CUL7: variants seen among roughly 807,000 people sequenced by gnomAD.
The protein encoded by CUL7 is cullin-7.
A neutral mutation model predicts 177.7 loss-of-function variants in CUL7; 96 were observed. The ratio of observed to expected loss-of-function variants is 0.54; its 90% confidence interval spans 0.46 to 0.64. The LOEUF is 0.64. CUL7 is among the 30% of genes least tolerant of loss of function. The probability of loss-of-function intolerance (pLI) is 0.00; values close to 1 mark genes in which losing one functional copy is unlikely to be tolerated. For synonymous variants in CUL7, 824 were observed against 890.2 expected, an observed-to-expected ratio of 0.93 and a Z score of 1.32; for missense variants, 1,893 against 2,187.9, an observed-to-expected ratio of 0.87 and a Z score of 2.69.
At chr6:43,038,192 C>T (rs1270216382) in intron 25 of CUL7, 75 bp downstream of exon 25, 10 of 1,553,368 alleles carry the variant, frequency 6.4e-6, no homozygotes, top group Middle Eastern at 1.7e-4. Flanking sequence ...ACCACACGTG[C>T]ACCCACCTTG....
Position 43,051,048 on chromosome 6 carries a change from T to C in CUL7, c.1153A>G (p.Met385Val). The C allele has an allele frequency of 1.9e-6, 3 of 1,614,104 alleles. No individual in the cohort carries two copies. The highest frequency in any genetic ancestry group is 2.5e-6 in the Non-Finnish European group (3 of 1,179,976). The stretch of plus-strand genomic sequence containing the variant: ...CTGATCTCCTCATAATCATCCAGCA[T>C]CCGCACTCGCATCCCCGGCTGCAGT... ...DTLQPGMRVR[M>V]LDDYEEISAG... Residue 385 changes from methionine (M) to valine (V), a missense_variant, in exon 4 of 26, where the codon ATG becomes GTG. By Grantham distance (21) the Met-to-Val change is conservative. This residue lies in a region of CUL7 where 653 missense variants were observed against 725.2 expected (regional missense o/e 0.90). Transcript: ENST00000265348. This position sits in a 1 kb window ranked among gnomAD's most constrained non-coding sequence, Gnocchi z 5.0.
At position 43,037,675 on chromosome 6, in the gene CUL7, C is replaced by T. The variant is rs754816725; in HGVS notation, c.*13G>A. The T allele has an allele frequency of 1.0e-5, 16 of 1,550,580 alleles. No individual in the cohort carries two copies. Among genetic ancestry groups the T allele is most frequent in the Non-Finnish European group, 1.3e-5 (15 of 1,145,888 alleles). ...AGCTCCAGCTCTACCTTCCCCTGACCCCAAGTCTAGGGCTACCGGAAGGTA... is the reference window on the plus strand; with the variant it reads ...AGCTCCAGCTCTACCTTCCCCTGACTCCAAGTCTAGGGCTACCGGAAGGTA... On this transcript the variant is annotated 3_prime_UTR_variant, in exon 26 of 26. Coordinates refer to ENST00000265348, the MANE Select transcript of CUL7 (RefSeq NM_014780.5).
rs1581924023 is a variant in CUL7 at position 43,043,724 on chromosome 6, G to A, written c.3173-94C>T. On this transcript the variant is annotated intron_variant, in intron 16 of 25. Transcript: ENST00000265348. This position sits in a 1 kb window ranked among gnomAD's most constrained non-coding sequence, Gnocchi z 4.2. ...CAGGAGTGTGGAGATAGAGCAACTG[G>A]ACGGAATGATACAAGGAAGGGGGGC... 1.4e-5 allele frequency: 12 copies of A among 839,996 alleles called. No individual in the cohort carries two copies. The East Asian group carries it at 2.9e-4, about 20-fold the overall frequency. 52.0% of individuals were successfully genotyped at this position (839,996 alleles called of 1,614,324 possible). A position where few individuals can be genotyped will look rare whatever the true frequency, so the allele number is the denominator to read the frequency against.
chr6:43,047,911 G>A (rs1409804796), intron 9 of CUL7: 3 of 565,770 alleles, frequency 5.3e-6, no homozygotes, highest in Non-Finnish European at 9.4e-6. Flanking sequence ...TGGGGGAACA[G>A]AGATTTGGGT....
chr6:43,048,658 A>G (rs1764132931), intron 7 of CUL7, 89 bp from the exon 8 acceptor site: 2 of 925,932 alleles, frequency 2.2e-6, no homozygotes, highest in South Asian at 3.1e-5. Context: ...CTTTTTCTCT[A>G]ATTTCTCCTA....
chr6:43,040,698 C>G lies in CUL7; in HGVS notation c.3855G>C (p.Glu1285Asp), dbSNP rs370053482. The G allele has an allele frequency of 6.2e-7, 1 of 1,614,186 alleles. No homozygotes were observed. ...GACCGATCTGCTCCAGCACGGCCCCCTCCAGCCAGCTCGAGACCACGCCCA... is the reference window on the plus strand; with the variant it reads ...GACCGATCTGCTCCAGCACGGCCCCGTCCAGCCAGCTCGAGACCACGCCCA... Reference protein sequence around the residue: ...RLLGVVSSWLEGAVLEQIGPC... With the variant: ...RLLGVVSSWLDGAVLEQIGPC... The change falls in exon 21 of 26, where the codon GAG (glutamate) becomes GAC (aspartate). Residue 1285 changes from glutamate to aspartate, a missense_variant. This residue lies in a region of CUL7 where 973 missense variants were observed against 1,140.9 expected (regional missense o/e 0.85). Transcript: ENST00000265348. The surrounding 1 kb of genome is among the most constrained non-coding windows in gnomAD (Gnocchi z 4.2).
intron 9 of CUL7, among the ~76,000 whole-genome samples, chr6:43,047,772 T>C (rs1326595005): frequency 6.6e-6 from 1 of 152,180 alleles, no homozygotes; most frequent in African/African-American, 2.4e-5. Context: ...AATATCTCCA[T>C]ATCCTTTTGT....
At chr6:43,042,067 AAGAGAAGGAGGGAGGGAGGG>A (rs1181413612) in intron 19 of CUL7, among the ~76,000 whole-genome samples, 1 of 141,188 alleles carries the variant, frequency 7.1e-6, no homozygotes, top group Admixed American at 7.0e-5. Context: ...GAAAGAGAGA[AAGAGAAGGAGGGAGGGAGGG>A]AGAGAAGGAG....
Position 43,051,456 on chromosome 6 carries a change from C to A in CUL7, c.745G>T (p.Val249Leu). The change falls in exon 4 of 26, where the codon GTG (valine) becomes TTG (leucine). Residue 249 changes from valine to leucine, a missense_variant. Physicochemically the swap from Val to Leu is conservative, Grantham distance 32 (BLOSUM62 1). Coordinates refer to ENST00000265348, the MANE Select transcript of CUL7 (RefSeq NM_014780.5). This position sits in a 1 kb window ranked among gnomAD's most constrained non-coding sequence, Gnocchi z 5.0. Reference protein sequence around the residue: ...GIQLPQVPGRVLFSLVKRYLH... With the variant: ...GIQLPQVPGRLLFSLVKRYLH... Reference sequence around the variant, plus strand: ...TACCGCTTCACCAGGGAGAAGAGCACCCTTCCTGGGACCTGTGGGATACAA... The same window carrying A: ...TACCGCTTCACCAGGGAGAAGAGCAACCTTCCTGGGACCTGTGGGATACAA... 2 of 1,614,042 alleles carry A rather than the reference C, an allele frequency of 1.2e-6. No individual in the cohort carries two copies. Among genetic ancestry groups the A allele is most frequent in the Non-Finnish European group, 1.7e-6 (2 of 1,180,024 alleles).
Position 43,049,961 on chromosome 6 carries a change from A to C in CUL7, c.1569+2T>G. 6.2e-7 allele frequency: 1 copy of C among 1,613,424 alleles called. No homozygotes were observed. Among genetic ancestry groups the C allele is most frequent in the Non-Finnish European group, 8.5e-7 (1 of 1,179,774 alleles). ...CTCTGAGTGTCTCCAGGCTGGCTCTACCTCCCCATCTAGGTTCTCCTGGAG... is the reference window on the plus strand; with the variant it reads ...CTCTGAGTGTCTCCAGGCTGGCTCTCCCTCCCCATCTAGGTTCTCCTGGAG... On this transcript the variant is annotated splice_donor_variant, in intron 6 of 25. Transcript: ENST00000265348. LOFTEE classifies it high-confidence loss of function.
At chr6:43,039,054 T>C (rs1162084316) in intron 22 of CUL7, 67 bp from the exon 23 acceptor site, 3 of 1,035,814 alleles carry the variant, frequency 2.9e-6, no homozygotes, top group Admixed American at 1.7e-5. Context: ...GGAGGGAGGG[T>C]GCACGCTGGT....
chr6:43,047,047 C>T lies in CUL7; in HGVS notation c.2230G>A (p.Val744Met), dbSNP rs547138217. 123 of 1,613,514 alleles carry T rather than the reference C, an allele frequency of 7.6e-5. No individual in the cohort carries two copies. The highest frequency in any genetic ancestry group is 2.7e-4 in the African/African-American group (20 of 74,996). The change falls in exon 10 of 26, where the codon GTG becomes ATG. Residue 744 changes from valine (V) to methionine (M), a missense_variant. Val to Met is a conservative substitution (Grantham distance 21). This residue lies in a region of CUL7 where 973 missense variants were observed against 1,140.9 expected (regional missense o/e 0.85). Coordinates refer to ENST00000265348, the MANE Select transcript of CUL7 (RefSeq NM_014780.5). ...RLTSVSRDYA[V>M]VLNQLGARDA... ...CTTGCTCCCAGCTGATTCAGCACCA[C>T]GGCATAGTCCCTGCTCACTGAGGTC...
In CUL7 at chr6:43,045,130, C is replaced by T. The variant is rs1373529085; in HGVS notation, c.3038+97G>A. 2.7e-6 allele frequency: 4 copies of T among 1,480,184 alleles called. No homozygotes were observed. Among genetic ancestry groups the T allele is most frequent in the Non-Finnish European group, 1.8e-6 (2 of 1,084,490 alleles). 91.7% of individuals were successfully genotyped at this position (1,480,184 alleles called of 1,614,324 possible). On this transcript the variant is annotated intron_variant, in intron 15 of 25. Coordinates refer to ENST00000265348, the MANE Select transcript of CUL7 (RefSeq NM_014780.5). This position sits in a 1 kb window ranked among gnomAD's most constrained non-coding sequence, Gnocchi z 4.8. ...AGCCCCCTCCCCACGCATATTAAAC[C>T]TCCATCTCACAGCTTCTATGGACCC...
chr6:43,050,450 C>T lies in CUL7; in HGVS notation c.1234-52G>A. On this transcript the variant is annotated intron_variant, in intron 4 of 25. Coordinates refer to ENST00000265348, the MANE Select transcript of CUL7 (RefSeq NM_014780.5). The surrounding 1 kb of genome is among the most constrained non-coding windows in gnomAD (Gnocchi z 4.1). ...AGGGGAAGGGAGGACTCACAAATGA[C>T]TGGCTGTGGCCCAGTACTGAGGACT... The T allele has an allele frequency of 3.7e-6, 6 of 1,610,362 alleles. No homozygotes were observed. Among genetic ancestry groups the T allele is most frequent in the Non-Finnish European group, 5.1e-6 (6 of 1,178,454 alleles).
chr6:43,038,743 A>C (rs762165836), intron 23 of CUL7, 51 bp from the exon 24 acceptor site: 2 of 1,613,094 alleles, frequency 1.2e-6, no homozygotes, highest in Non-Finnish European at 1.7e-6. Flanking sequence ...GAGTGGAGAG[A>C]AGAGGATGGA....
Position 43,050,336 on chromosome 6 carries a change from G to A in CUL7, c.1296C>T (p.Gly432=). Residue 432 remains glycine, a synonymous_variant, in exon 5 of 26, where the codon GGC becomes GGT. Coordinates refer to ENST00000265348, the MANE Select transcript of CUL7 (RefSeq NM_014780.5). The surrounding 1 kb of genome is among the most constrained non-coding windows in gnomAD (Gnocchi z 4.1). ...WVHWHMLEIL[G]FEEDIEDMVE... is the part of the protein sequence containing the mutation. ...CCATGTCCTCAATGTCTTCCTCAAA[G>A]CCCAAGATCTCCAGCATGTGCCAGT... 1 of 1,614,134 alleles carries A rather than the reference G, an allele frequency of 6.2e-7. No individual in the cohort carries two copies. The highest frequency in any genetic ancestry group is 2.2e-5 in the East Asian group (1 of 44,880).
chr6:43,039,101 G>T, intron 22 of CUL7, 114 bp from the exon 23 acceptor site: 1 of 730,188 alleles, frequency 1.4e-6, no homozygotes, highest in Non-Finnish European at 2.4e-6. Flanking sequence ...TGTGACCCCA[G>T]CATTTATGGA....
rs757767077 is a variant in CUL7, at chr6:43,038,049, G to A, written c.4774-38C>T. The A allele has an allele frequency of 2.6e-6, 4 of 1,567,214 alleles. No homozygotes were observed. The Admixed American group carries it at 5.4e-5, about 21-fold the overall frequency. ...AGGAAGGGAGAAGCGGTAGTTTAGA[G>A]GCAGCTGACCCCTCCTTGCTTGAGC... On this transcript the variant is annotated intron_variant, in intron 25 of 25. Transcript: ENST00000265348.
At position 43,045,762 on chromosome 6, in the gene CUL7, C is replaced by A; in HGVS notation, c.2767-80G>T. The A allele has an allele frequency of 6.8e-7, 1 of 1,465,532 alleles. No homozygotes were observed. The highest frequency in any genetic ancestry group is 9.5e-7 in the Non-Finnish European group (1 of 1,048,728). The allele number at this position is 1,465,532 out of a possible 1,614,324, so 90.8% of individuals were successfully genotyped here. On this transcript the variant is annotated intron_variant, in intron 13 of 25. Coordinates refer to ENST00000265348, the MANE Select transcript of CUL7 (RefSeq NM_014780.5). This position sits in a 1 kb window ranked among gnomAD's most constrained non-coding sequence, Gnocchi z 4.8. ...CTAGGCTCCAGTCCCCTCACTGTTT[C>A]CCTCCCTTCCCCAGCCCTGGGATGT...
Sources: allele counts gnomAD v4.1 joint callset (sites outside exome capture counted in the v4.1 genomes callset), GRCh38; gene constraint gnomAD v4.1.1; regional missense constraint gnomAD v4.1.1; non-coding constraint Gnocchi (gnomAD v3.1); transcripts MANE v1.5; gene names NCBI Gene and HGNC (gene_info 2026-07-23, HGNC 2026-07-21).